Variants in BUB1B observed in about 807,000 individuals in gnomAD.
The protein encoded by BUB1B is BUB1 mitotic checkpoint serine/threonine kinase B.
A neutral mutation model predicts 137.7 loss-of-function variants in BUB1B; 86 were observed. That is an observed-to-expected ratio of 0.62 (90% CI 0.52 to 0.75). The LOEUF is 0.75. BUB1B is among the 30% of genes least tolerant of loss of function. The pLI, the probability that BUB1B is intolerant of heterozygous loss-of-function variation, is 0.00. For synonymous variants in BUB1B, 420 were observed against 417.9 expected (o/e 1.00, Z -0.06); for missense variants, 1,130 against 1,236.9 (o/e 0.91, Z 1.30).
intron 8 of BUB1B, among the ~76,000 whole-genome samples, chr15:40,193,300 C>T (rs1217086713): frequency 6.6e-6 from 1 of 152,110 alleles, no homozygotes; most frequent in Non-Finnish European, 1.5e-5. Flanking sequence ...TTCTATTGTT[C>T]CACATCCTTG....
intron 22 of BUB1B, among the ~76,000 whole-genome samples, chr15:40,218,799 A>G (rs988057373): frequency 1.3e-5 from 2 of 152,262 alleles, no homozygotes; most frequent in African/African-American, 2.4e-5. Context: ...ATCTAGCTGT[A>G]TCTTCCAGAC....
At chr15:40,172,233 A>G (rs2037172338) in intron 4 of BUB1B, among the ~76,000 whole-genome samples, 1 of 152,052 alleles carries the variant, frequency 6.6e-6, no homozygotes, top group South Asian at 2.1e-4. Flanking sequence ...AAAATAAAGT[A>G]ATAAAGTAAG....
chr15:40,209,847 T>G, intron 17 of BUB1B, 72 bp downstream of exon 17: 1 of 1,575,984 alleles, frequency 6.3e-7, no homozygotes, highest in Non-Finnish European at 8.7e-7. Context: ...TACTTAAGCT[T>G]GATGCTTGAG....
chr15:40,161,138 C>T lies in BUB1B; in HGVS notation c.-83C>T. On this transcript the variant is annotated 5_prime_UTR_variant, in exon 1 of 23. Coordinates refer to ENST00000287598, the MANE Select transcript of BUB1B (RefSeq NM_001211.6). ...TTGGTCGCTTCTGTAGCTCCGAGGG[C>T]AGGTTGCGGAAGAAAGCCCAGGCGG... is the stretch of plus-strand genomic sequence containing the variant. The T allele has an allele frequency of 6.4e-7, 1 of 1,559,518 alleles. No individual in the cohort carries two copies. Among genetic ancestry groups the T allele is most frequent in the Non-Finnish European group, 8.7e-7 (1 of 1,147,188 alleles).
intron 20 of BUB1B, among the ~76,000 whole-genome samples, chr15:40,216,550 T>A (rs1360045630): frequency 1.0e-5 from 1 of 99,218 alleles, no homozygotes; most frequent in Non-Finnish European, 1.9e-5. Flanking sequence ...ATATATACTA[T>A]ATATATATAT....
chr15:40,185,126 G>T (rs373922171), intron 6 of BUB1B, 39 bp from the exon 7 acceptor site: 126 of 1,547,556 alleles, frequency 8.1e-5, no homozygotes, highest in Non-Finnish European at 1.1e-4. Flanking sequence ...AGTTAATAAT[G>T]AAACATTTTA....
chr15:40,198,447 G>A (rs141945860), intron 9 of BUB1B, among the ~76,000 whole-genome samples: 1 of 152,156 alleles, frequency 6.6e-6, no homozygotes, highest in Non-Finnish European at 1.5e-5. Context: ...CTGTGTATAA[G>A]TTTGTACCCT....
chr15:40,197,875 A>G (rs2037516964), intron 9 of BUB1B, among the ~76,000 whole-genome samples: 1 of 152,230 alleles, frequency 6.6e-6, no homozygotes, highest in African/African-American at 2.4e-5. Flanking sequence ...GGCTTTTAAA[A>G]AAGGAGAACC....
intron 5 of BUB1B, among the ~76,000 whole-genome samples, chr15:40,183,287 G>A (rs181329636): frequency 1.2e-4 from 19 of 152,246 alleles, no homozygotes; most frequent in Admixed American, 7.8e-4. Flanking sequence ...GTGCGTGCAC[G>A]TGCGCGCATG....
At chr15:40,211,707 C>T (rs2037713848) in intron 18 of BUB1B, among the ~76,000 whole-genome samples, 1 of 152,160 alleles carries the variant, frequency 6.6e-6, no homozygotes, top group South Asian at 2.1e-4. Flanking sequence ...CAGAGCCCTT[C>T]TGTTTTATAC....
At position 40,183,818 on chromosome 15, in the gene BUB1B, A is replaced by T; in HGVS notation, c.686A>T (p.Glu229Val). The T allele has an allele frequency of 6.2e-7, 1 of 1,614,160 alleles. No individual in the cohort carries two copies. Among genetic ancestry groups the T allele is most frequent in the Non-Finnish European group, 8.5e-7 (1 of 1,179,982 alleles). Residue 229 changes from glutamate to valine, a missense_variant, in exon 6 of 23, where the codon GAA becomes GTA. Coordinates refer to ENST00000287598, the MANE Select transcript of BUB1B (RefSeq NM_001211.6). The stretch of plus-strand genomic sequence containing the variant: ...GTACCACAACGAAGCACACTAGCTG[A>T]ACTAAAGAGCAAAGGGAAAAAGACA... ...SSVPQRSTLA[E>V]LKSKGKKTAR... is the part of the protein sequence containing the mutation.
intron 21 of BUB1B, 143 bp from the exon 22 acceptor site, chr15:40,218,313 A>C: frequency 1.4e-6 from 1 of 696,740 alleles, no homozygotes; most frequent in Non-Finnish European, 2.6e-6. Flanking sequence ...CTTTACTGTA[A>C]GGGTGAGGAA....
chr15:40,199,715 A>C lies in BUB1B; in HGVS notation c.1389A>C (p.Arg463Ser). 1 of 1,612,720 alleles carries C rather than the reference A, an allele frequency of 6.2e-7. No individual in the cohort carries two copies. The highest frequency in any genetic ancestry group is 8.5e-7 in the Non-Finnish European group (1 of 1,178,770). The stretch of plus-strand genomic sequence containing the variant: ...AAATCCAAACTACTCAGCAAGAAAG[A>C]ACAGGTGATCAGGTAATTTTTCTTT... ...LKEIQTTQQERTGDQQEETMP... is the reference protein window; with the variant it reads ...LKEIQTTQQESTGDQQEETMP... The change falls in exon 10 of 23, where the codon AGA becomes AGC. Residue 463 changes from arginine (R) to serine (S), a missense_variant. Physicochemically the swap from Arg to Ser is moderately radical, Grantham distance 110 (BLOSUM62 -1). Coordinates refer to ENST00000287598, the MANE Select transcript of BUB1B (RefSeq NM_001211.6).
intron 5 of BUB1B, 56 bp downstream of exon 5, chr15:40,176,729 CT>C: frequency 6.4e-7 from 1 of 1,565,206 alleles, no homozygotes; most frequent in Non-Finnish European, 8.8e-7. Context: ...TAAATTATCT[CT>C]TTTTTGCATC....
rs763272400 is a variant in BUB1B at position 40,196,733 on chromosome 15, G to T, written c.1247G>T (p.Arg416Leu). Reference sequence around the variant, plus strand: ...GGGGAATTCTCCTTTGAAGAAATTCGGGCTGAAGTTTTCCGGAAGAAATTA... The same window carrying T: ...GGGGAATTCTCCTTTGAAGAAATTCTGGCTGAAGTTTTCCGGAAGAAATTA... ...GVGEFSFEEI[R>L]AEVFRKKLKE... The change falls in exon 9 of 23, where the codon CGG becomes CTG. Residue 416 changes from arginine (R) to leucine (L), a missense_variant. Coordinates refer to ENST00000287598, the MANE Select transcript of BUB1B (RefSeq NM_001211.6). The T allele has an allele frequency of 1.7e-5, 27 of 1,614,006 alleles. No individual in the cohort carries two copies. The highest frequency in any genetic ancestry group is 2.3e-5 in the Non-Finnish European group (27 of 1,179,932).
At chr15:40,206,856 C>A (rs1389566781) in intron 15 of BUB1B, among the ~76,000 whole-genome samples, 2 of 152,166 alleles carry the variant, frequency 1.3e-5, no homozygotes, top group Non-Finnish European at 2.9e-5. Flanking sequence ...GTCGCCCAGG[C>A]TGGAGTGCAG....
At chr15:40,176,710 T>C (rs1281238233) in intron 5 of BUB1B, 37 bp downstream of exon 5, 49 of 1,593,546 alleles carry the variant, frequency 3.1e-5, no homozygotes, top group Non-Finnish European at 4.0e-5. Flanking sequence ...ACTCTAAAAA[T>C]AATAGAAATA....
In BUB1B at chr15:40,213,364, T is replaced by A. The variant is rs777341912; in HGVS notation, c.2568T>A (p.His856Gln). Residue 856 changes from histidine to glutamine, a missense_variant, in exon 20 of 23, where the codon CAT (histidine) becomes CAA (glutamine). By Grantham distance (24) the His-to-Gln change is conservative. Transcript: ENST00000287598. ...DLLQHSEYITHEITVLIIYNL... is the reference protein window; with the variant it reads ...DLLQHSEYITQEITVLIIYNL... ...TCCAACACAGTGAATATATTACCCA[T>A]GAAATAACAGTGTTGATTATTTATA... The A allele has an allele frequency of 6.2e-7, 1 of 1,613,862 alleles. No homozygotes were observed. The highest frequency in any genetic ancestry group is 1.1e-5 in the South Asian group (1 of 91,080).
intron 2 of BUB1B, among the ~76,000 whole-genome samples, chr15:40,166,008 A>T (rs1277330394): frequency 6.6e-6 from 1 of 151,946 alleles, no homozygotes; most frequent in African/African-American, 2.4e-5. Context: ...GTGCGCCGCC[A>T]CGCCTGGGTA....
Sources: allele counts gnomAD v4.1 joint callset (sites outside exome capture counted in the v4.1 genomes callset), GRCh38; gene constraint gnomAD v4.1.1; transcripts MANE v1.5; gene names NCBI Gene and HGNC (gene_info 2026-07-23, HGNC 2026-07-21).